Variants in PIWIL2 observed in about 807,000 individuals in gnomAD.
PIWIL2 encodes piwi like RNA-mediated gene silencing 2, also known as piwi-like protein 2.
Under a neutral mutation model 116.5 loss-of-function variants are expected in PIWIL2, and 81 were observed. The observed-to-expected ratio is 0.70, with a 90% CI of 0.58 to 0.84. PIWIL2 has a LOEUF of 0.84. Among genes scored for constraint, PIWIL2 ranks in the 40% least tolerant of loss-of-function variants. The pLI is 0.00. For missense variants in PIWIL2, 1,272 were observed against 1,212.3 expected, an observed-to-expected ratio of 1.05 and a Z score of -0.73; for synonymous variants, 489 against 429.5, an observed-to-expected ratio of 1.14 and a Z score of -1.71.
chr8:22,306,130 A>G lies in PIWIL2; in HGVS notation c.1545+114A>G, dbSNP rs538557916. On this transcript the variant is annotated intron_variant, in intron 13 of 22. Transcript: ENST00000356766. ...AACTCTGATGTTGGCTTGCATTGTAACCTGGGCCTGTCCATTCTTCCAGCC... is the reference window on the plus strand; with the variant it reads ...AACTCTGATGTTGGCTTGCATTGTAGCCTGGGCCTGTCCATTCTTCCAGCC... 32 of 711,452 alleles carry G rather than the reference A, an allele frequency of 4.5e-5. No homozygotes were observed. The African/African-American group carries it at 5.5e-4, about 12-fold the overall frequency. 44.1% of individuals were successfully genotyped at this position (711,452 alleles called of 1,614,324 possible).
intron 17 of PIWIL2, among the ~76,000 whole-genome samples, 164 bp from the exon 18 acceptor site, chr8:22,314,865 G>T (rs937976892): frequency 6.6e-6 from 1 of 151,942 alleles, no homozygotes; most frequent in African/African-American, 2.4e-5. Context: ...TTGCCCATGT[G>T]CATGCATGCC....
Position 22,355,580 on chromosome 8 carries a change from AGAGACT to A in PIWIL2, c.*78_*83del. On this transcript the variant is annotated 3_prime_UTR_variant, in exon 23 of 23. Transcript: ENST00000356766. ...CAGCTGTGACTCTTGCAGAATCAACAGAGACTGAAGTGGGCTTTTGTGTTATAATTT... is the reference window on the plus strand; with the variant it reads ...CAGCTGTGACTCTTGCAGAATCAACAGAAGTGGGCTTTTGTGTTATAATTT... 1 of 1,317,370 alleles carries A rather than the reference AGAGACT, an allele frequency of 7.6e-7. No homozygotes were observed. The highest frequency in any genetic ancestry group is 1.1e-6 in the Non-Finnish European group (1 of 933,446). 81.6% of individuals were successfully genotyped at this position (1,317,370 alleles called of 1,614,324 possible).
chr8:22,330,069 A>G (rs1831821226), intron 20 of PIWIL2, among the ~76,000 whole-genome samples: 2 of 152,130 alleles, frequency 1.3e-5, no homozygotes, highest in Non-Finnish European at 1.5e-5. Context: ...TGAGACAGCA[A>G]ATATTTATAT....
chr8:22,353,021 G>A lies in PIWIL2; in HGVS notation c.2466G>A (p.Leu822=), dbSNP rs1832408300. The A allele has an allele frequency of 6.2e-7, 1 of 1,613,508 alleles. No homozygotes were observed. ...GTGATGGAGTGTCTGATGGCCAACT[G>A]AAGACAGTTGCCAACTATGAGATTC... The part of the protein sequence containing the change: ...VYRDGVSDGQ[L]KTVANYEIPQ... Residue 822 remains leucine (L), a synonymous_variant, in exon 21 of 23, where the codon CTG becomes CTA. Coordinates refer to ENST00000356766, the MANE Select transcript of PIWIL2 (RefSeq NM_018068.5).
At chr8:22,339,678 G>A (rs1391141045) in intron 20 of PIWIL2, among the ~76,000 whole-genome samples, 2 of 152,152 alleles carry the variant, frequency 1.3e-5, no homozygotes, top group Non-Finnish European at 2.9e-5. Context: ...ACACTATTAA[G>A]AAAGTTAAAA....
intron 16 of PIWIL2, among the ~76,000 whole-genome samples, chr8:22,314,097 G>A (rs558348099): frequency 6.6e-6 from 1 of 152,246 alleles, no homozygotes; most frequent in African/African-American, 2.4e-5. Flanking sequence ...CCAGCTCTGG[G>A]TAATTAATAG....
At chr8:22,339,947 T>G (rs1314870018) in intron 20 of PIWIL2, among the ~76,000 whole-genome samples, 2 of 151,762 alleles carry the variant, frequency 1.3e-5, no homozygotes, top group Non-Finnish European at 2.9e-5. Flanking sequence ...ATAAAGACAT[T>G]GCAAGAAAGG....
chr8:22,355,786 C>T lies in PIWIL2; in HGVS notation c.*281C>T, dbSNP rs1346652988. On this transcript the variant is annotated 3_prime_UTR_variant, in exon 23 of 23. Coordinates refer to ENST00000356766, the MANE Select transcript of PIWIL2 (RefSeq NM_018068.5). ...GGGTGACTCTGGGGGACCATTAAGA[C>T]CTCCAGACCGGGTGCGGTGGTTCAC... is the stretch of plus-strand genomic sequence containing the variant. 1.0e-5 allele frequency: 4 copies of T among 394,568 alleles called. No individual in the cohort carries two copies. Among genetic ancestry groups the T allele is most frequent in the Admixed American group, 3.5e-5 (1 of 28,254 alleles). The allele number at this position is 394,568 out of a possible 1,614,324, so 24.4% of individuals were successfully genotyped here.
chr8:22,288,575 A>C lies in PIWIL2; in HGVS notation c.895A>C (p.Ser299Arg). The change falls in exon 8 of 23, where the codon AGT becomes CGT. Residue 299 changes from serine to arginine, a missense_variant. Ser to Arg is a moderately radical substitution (Grantham distance 110). Transcript: ENST00000356766. ...LELKSQRKTD[S>R]AEISIKIQMT... ...GTTAAAAAGTCAAAGGAAAACAGAC[A>C]GTGCTGAAATCAGCATTAAGATTCA... 6.2e-7 allele frequency: 1 copy of C among 1,612,954 alleles called. No individual in the cohort carries two copies. The highest frequency in any genetic ancestry group is 1.1e-5 in the South Asian group (1 of 91,052).
At chr8:22,302,470 C>T (rs772260447) in intron 10 of PIWIL2, among the ~76,000 whole-genome samples, 9 of 152,142 alleles carry the variant, frequency 5.9e-5, no homozygotes, top group East Asian at 1.9e-4. Context: ...TGAGCTACTG[C>T]GCCCAGCCTA....
chr8:22,345,114 G>T (rs1035327737), intron 20 of PIWIL2, among the ~76,000 whole-genome samples: 1 of 152,214 alleles, frequency 6.6e-6, no homozygotes, highest in Non-Finnish European at 1.5e-5. Flanking sequence ...GGAGTTTAAG[G>T]CTATAGTGTG....
At position 22,283,027 on chromosome 8, in the gene PIWIL2, A is replaced by T. The variant is rs368020364; in HGVS notation, c.426-7A>T. ...AACCCTGATTTGCCTCTCTCTCCACATTTCAGGACGCTTGGAAGAGGGAGT... is the reference window on the plus strand; with the variant it reads ...AACCCTGATTTGCCTCTCTCTCCACTTTTCAGGACGCTTGGAAGAGGGAGT... On this transcript the variant is annotated splice_polypyrimidine_tract_variant and splice_region_variant and intron_variant, in intron 4 of 22. Coordinates refer to ENST00000356766, the MANE Select transcript of PIWIL2 (RefSeq NM_018068.5). The T allele has an allele frequency of 3.0e-5, 48 of 1,612,576 alleles. No homozygotes were observed. The highest frequency in any genetic ancestry group is 4.0e-5 in the Non-Finnish European group (47 of 1,178,690).
At chr8:22,349,440 T>TATAA (rs1242000027) in intron 20 of PIWIL2, among the ~76,000 whole-genome samples, 1 of 147,764 alleles carries the variant, frequency 6.8e-6, no homozygotes, top group Non-Finnish European at 1.5e-5. Context: ...TATATATATA[T>TATAA]ATATAAATTT....
intron 20 of PIWIL2, among the ~76,000 whole-genome samples, chr8:22,334,666 C>T (rs1191341112): frequency 1.3e-5 from 2 of 152,078 alleles, no homozygotes; most frequent in Non-Finnish European, 2.9e-5. Flanking sequence ...CAACTGTCTC[C>T]AACTCCTGGG....
At chr8:22,338,699 T>C (rs1332328676) in intron 20 of PIWIL2, among the ~76,000 whole-genome samples, 4 of 132,960 alleles carry the variant, frequency 3.0e-5, no homozygotes, top group Non-Finnish European at 7.0e-5. Flanking sequence ...CAAAAATAAA[T>C]AAATAAATAA....
chr8:22,291,426 C>T (rs1830764928), intron 10 of PIWIL2, among the ~76,000 whole-genome samples: 2 of 152,232 alleles, frequency 1.3e-5, no homozygotes, highest in South Asian at 4.1e-4. Context: ...GCTGGGATTA[C>T]AGGCACAAGC....
intron 20 of PIWIL2, among the ~76,000 whole-genome samples, chr8:22,322,972 A>G (rs1376001341): frequency 6.6e-6 from 1 of 151,980 alleles, no homozygotes; most frequent in Non-Finnish European, 1.5e-5. Flanking sequence ...GCTGGAGTGC[A>G]GTGGTATGAT....
At position 22,317,369 on chromosome 8, in the gene PIWIL2, T is replaced by C. The variant is rs78932416; in HGVS notation, c.2298-801T>C. On this transcript the variant is annotated intron_variant, in intron 19 of 22. Transcript: ENST00000356766. ...TCTCTTCTATGCCTATATTAACACA[T>C]ACATGTGATATATATCTCTGAAACA... is the stretch of plus-strand genomic sequence containing the variant. Among the ~76,000 whole-genome samples the C allele has an allele frequency of 1.1e-3, 163 of 152,186 alleles. 7 individuals carry two copies. The East Asian group carries it at 0.031, about 29-fold the overall frequency.
chr8:22,346,004 ATAG>A lies in PIWIL2; in HGVS notation c.2404-6953_2404-6951del, dbSNP rs536164392. Among the ~76,000 whole-genome samples, 23 of 152,266 alleles carry A rather than the reference ATAG, an allele frequency of 1.5e-4. No homozygotes were observed. The South Asian group carries it at 4.2e-3, about 27-fold the overall frequency. ...GGTGATCAATATGTTCTAAAATTAG[ATAG>A]TGGTGATGGTTTCAAAATTCTGAAA... is the stretch of plus-strand genomic sequence containing the variant. On this transcript the variant is annotated intron_variant, in intron 20 of 22. Coordinates refer to ENST00000356766, the MANE Select transcript of PIWIL2 (RefSeq NM_018068.5).
Sources: allele counts gnomAD v4.1 joint callset (sites outside exome capture counted in the v4.1 genomes callset), GRCh38; gene constraint gnomAD v4.1.1; transcripts MANE v1.5; gene names NCBI Gene and HGNC (gene_info 2026-07-23, HGNC 2026-07-21).